AFAP1: variants seen among roughly 807,000 people sequenced by gnomAD.
AFAP1 encodes actin filament-associated protein 1.
A neutral mutation model predicts 93.9 loss-of-function variants in AFAP1; 75 were observed. The observed-to-expected ratio is 0.80, with a 90% CI of 0.66 to 0.97. The LOEUF is 0.97. AFAP1 is among the 50% of genes least tolerant of loss of function. The probability of loss-of-function intolerance (pLI) is 0.00; values close to 1 mark genes in which losing one functional copy is unlikely to be tolerated. For missense variants in AFAP1, 1,201 were observed against 1,050.8 expected (o/e 1.14, Z -1.98); for synonymous variants, 517 against 430.7 (o/e 1.20, Z -2.48).
chr4:7,824,529 A>C (rs1183862987), intron 6 of AFAP1, among the ~76,000 whole-genome samples: 1 of 152,242 alleles, frequency 6.6e-6, no homozygotes, highest in Non-Finnish European at 1.5e-5. Flanking sequence ...TAATTCTTGC[A>C]CGAGTATGTG....
chr4:7,785,832 G>C (rs1717205885), intron 12 of AFAP1, among the ~76,000 whole-genome samples: 1 of 152,064 alleles, frequency 6.6e-6, no homozygotes, highest in African/African-American at 2.4e-5. Flanking sequence ...CAGCTACTTG[G>C]GAGGCTGAGG....
At chr4:7,915,954 G>A (rs931925177) in intron 1 of AFAP1, among the ~76,000 whole-genome samples, 1 of 152,200 alleles carries the variant, frequency 6.6e-6, no homozygotes. Flanking sequence ...ATAGGAGGGA[G>A]AGGACGGGAA....
At chr4:7,875,661 A>G (rs1313534681) in intron 1 of AFAP1, among the ~76,000 whole-genome samples, 1 of 152,022 alleles carries the variant, frequency 6.6e-6, no homozygotes, top group Non-Finnish European at 1.5e-5. Context: ...GGGGGCTGAT[A>G]GCATTATTCA....
intron 17 of AFAP1, among the ~76,000 whole-genome samples, chr4:7,765,840 G>T (rs1051016220): frequency 6.6e-6 from 1 of 152,164 alleles, no homozygotes; most frequent in Non-Finnish European, 1.5e-5. Flanking sequence ...TCCCACCAAG[G>T]ACTTCAAAGA....
At chr4:7,767,372 C>T (rs1577172072) in intron 17 of AFAP1, among the ~76,000 whole-genome samples, 1 of 152,154 alleles carries the variant, frequency 6.6e-6, no homozygotes. Context: ...ATTTTCAGTC[C>T]AATTTCTTTG....
At chr4:7,808,411 G>T (rs540653027) in intron 9 of AFAP1, among the ~76,000 whole-genome samples, 56 of 152,192 alleles carry the variant, frequency 3.7e-4, no homozygotes, top group African/African-American at 1.3e-3. Context: ...TTACATACAT[G>T]TTTCTGTGGT....
At chr4:7,937,986 C>G (rs562031667) in intron 1 of AFAP1, among the ~76,000 whole-genome samples, 1 of 152,180 alleles carries the variant, frequency 6.6e-6, no homozygotes, top group Admixed American at 6.5e-5. Context: ...TCTATCAGAG[C>G]ATTTTTCAAG....
chr4:7,932,830 G>A (rs989879720), intron 1 of AFAP1, among the ~76,000 whole-genome samples: 4 of 151,966 alleles, frequency 2.6e-5, no homozygotes, highest in Non-Finnish European at 5.9e-5. Context: ...GACCAGCCTC[G>A]CCAACACAGT....
intron 6 of AFAP1, among the ~76,000 whole-genome samples, chr4:7,827,892 C>T (rs528150826): frequency 4.6e-5 from 7 of 152,096 alleles, no homozygotes; most frequent in Non-Finnish European, 8.8e-5. Context: ...GTCAAGGCTC[C>T]GAGAGTTGAC....
intron 13 of AFAP1, among the ~76,000 whole-genome samples, chr4:7,780,597 G>C (rs570117377): frequency 4.6e-5 from 7 of 151,854 alleles, no homozygotes; most frequent in African/African-American, 1.7e-4. Context: ...AGGATCACTT[G>C]AGCCCACAGT....
chr4:7,934,593 C>T (rs73798024), intron 1 of AFAP1, among the ~76,000 whole-genome samples: 1,977 of 152,222 alleles, frequency 0.013, 46 homozygotes, highest in African/African-American at 0.045. Flanking sequence ...AAGTTGGTGA[C>T]GAGAAAGAAA....
intron 11 of AFAP1, among the ~76,000 whole-genome samples, chr4:7,787,690 G>T (rs1023286476): frequency 6.6e-6 from 1 of 152,174 alleles, no homozygotes; most frequent in African/African-American, 2.4e-5. Context: ...GTGAGGGAAC[G>T]GCTCACTCCC....
At chr4:7,861,415 A>T (rs1265287903) in intron 3 of AFAP1, among the ~76,000 whole-genome samples, 1 of 152,228 alleles carries the variant, frequency 6.6e-6, no homozygotes, top group Admixed American at 6.5e-5. Flanking sequence ...CAATCCTAAC[A>T]CTAAGAATTC....
chr4:7,842,653 CCTTA>C (rs1212580876), intron 5 of AFAP1: 1 of 157,022 alleles, frequency 6.4e-6, no homozygotes, highest in African/African-American at 2.4e-5. Context: ...CTTCTCTGTT[CCTTA>C]CTTGTCTTCC....
intron 1 of AFAP1, among the ~76,000 whole-genome samples, chr4:7,886,121 T>G (rs1324062876): frequency 6.6e-6 from 1 of 152,236 alleles, no homozygotes; most frequent in Non-Finnish European, 1.5e-5. Context: ...TTCCCTCAGC[T>G]GGACTGCATC....
chr4:7,838,966 CCAA>C (rs1198183305), intron 5 of AFAP1, among the ~76,000 whole-genome samples: 2 of 152,154 alleles, frequency 1.3e-5, no homozygotes, highest in Non-Finnish European at 2.9e-5. Context: ...TCAACAAACA[CCAA>C]AAGTCCCTAC....
chr4:7,768,191 A>C (rs186582414), intron 17 of AFAP1, among the ~76,000 whole-genome samples: 100 of 152,358 alleles, frequency 6.6e-4, no homozygotes, highest in African/African-American at 2.2e-3. Context: ...TCCCCAGCTC[A>C]CACCATCGCA....
At chr4:7,870,480 C>G (rs1560212106) in intron 2 of AFAP1, among the ~76,000 whole-genome samples, 1 of 152,080 alleles carries the variant, frequency 6.6e-6, no homozygotes, top group Non-Finnish European at 1.5e-5. Flanking sequence ...GACAACATGG[C>G]AAAACCCTGT....
chr4:7,774,685 C>A, intron 15 of AFAP1, 54 bp downstream of exon 15: 3 of 1,579,658 alleles, frequency 1.9e-6, no homozygotes, highest in Non-Finnish European at 1.7e-6. Flanking sequence ...AGAATGAAAT[C>A]TCCAGTCTCT....
Sources: gnomAD v4.1 joint callset for allele counts (sites outside exome capture counted in the v4.1 genomes callset) on GRCh38, gnomAD v4.1.1 for gene constraint, MANE v1.5 for transcripts, NCBI Gene and HGNC (gene_info 2026-07-23, HGNC 2026-07-21) for gene names.